CHN2: variants seen among roughly 807,000 people sequenced by gnomAD.
CHN2 encodes chimerin 2, also known as beta-chimaerin.
In CHN2, 35 loss-of-function variants were observed where a neutral mutation model predicts 56.3. That is an observed-to-expected ratio of 0.62 (90% CI 0.47 to 0.82). CHN2 has a LOEUF of 0.82. Among genes scored for constraint, CHN2 ranks in the 40% least tolerant of loss-of-function variants. The probability of loss-of-function intolerance (pLI) is 0.00; values close to 1 mark genes in which losing one functional copy is unlikely to be tolerated. For synonymous variants in CHN2, 210 were observed against 212.8 expected (o/e 0.99, Z 0.12); for missense variants, 491 against 580.5 (o/e 0.85, Z 1.58).
chr7:29,421,900 G>A (rs1804384712), intron 6 of CHN2, among the ~76,000 whole-genome samples: 1 of 152,172 alleles, frequency 6.6e-6, no homozygotes, highest in South Asian at 2.1e-4. Context: ...GAAGAAAGCA[G>A]ACAGCGTTTC....
intron 6 of CHN2, among the ~76,000 whole-genome samples, chr7:29,464,965 C>T (rs370374285): frequency 2.0e-5 from 3 of 152,158 alleles, no homozygotes; most frequent in African/African-American, 7.2e-5. Context: ...AGCCGCCAGC[C>T]GTGTTTTCAT....
chr7:29,148,372 T>G (rs1335158972), intron 2 of CHN2: 1 of 152,232 alleles, frequency 6.6e-6, no homozygotes, highest in African/African-American at 2.4e-5. Flanking sequence ...CCCAAAAGTC[T>G]TCCTGCAGTT....
intron 1 of CHN2, among the ~76,000 whole-genome samples, chr7:29,272,949 G>A (rs6462131): frequency 0.72 from 109,551 of 152,000 alleles, 40,523 homozygotes; most frequent in African/African-American, 0.89. Flanking sequence ...AAAAATCTAA[G>A]TGTGACTGGC....
intron 7 of CHN2, among the ~76,000 whole-genome samples, chr7:29,494,032 C>A (rs895446419): frequency 1.3e-5 from 2 of 152,188 alleles, no homozygotes; most frequent in Non-Finnish European, 2.9e-5. Flanking sequence ...GGTGTTCTGG[C>A]CACCCTGGCC....
At chr7:29,458,207 T>C (rs1170270334) in intron 6 of CHN2, among the ~76,000 whole-genome samples, 2 of 152,208 alleles carry the variant, frequency 1.3e-5, no homozygotes, top group African/African-American at 2.4e-5. Flanking sequence ...TAGGGAGATA[T>C]GTTGTATAAT....
chr7:29,432,008 C>T (rs1211468814), intron 6 of CHN2, among the ~76,000 whole-genome samples: 4 of 152,206 alleles, frequency 2.6e-5, no homozygotes, highest in South Asian at 2.1e-4. Context: ...GCTTCAACTT[C>T]GGTTAAGTGC....
intron 6 of CHN2, among the ~76,000 whole-genome samples, chr7:29,437,555 G>A (rs1464474993): frequency 3.7e-5 from 3 of 82,050 alleles, no homozygotes; most frequent in African/African-American, 7.6e-5. Flanking sequence ...CCGAGATCGC[G>A]CCACTGCACT....
chr7:29,489,560 A>G (rs549864686), intron 7 of CHN2, among the ~76,000 whole-genome samples: 2 of 152,232 alleles, frequency 1.3e-5, no homozygotes, highest in Non-Finnish European at 2.9e-5. Flanking sequence ...GTCCTTGTGG[A>G]TCCAAAAGAA....
chr7:29,324,986 T>C (rs2128897572), intron 1 of CHN2, among the ~76,000 whole-genome samples: 2 of 152,326 alleles, frequency 1.3e-5, no homozygotes, highest in Middle Eastern at 3.4e-3. Context: ...GTGTCTAAAA[T>C]GCTTTGCTGA....
chr7:29,435,205 G>A (rs773734163), intron 6 of CHN2, among the ~76,000 whole-genome samples: 3 of 152,210 alleles, frequency 2.0e-5, no homozygotes, highest in Non-Finnish European at 4.4e-5. Context: ...TTTTTTAAGA[G>A]CCAAATGAGA....
chr7:29,346,683 CTT>C lies in CHN2; in HGVS notation c.50-7940_50-7939del, dbSNP rs151321662. Reference sequence around the variant, plus strand: ...TAGCTCATTCTCTACATCGGTGAAACTTTGGCTCCTTTCATTTTCCAAAGCCT... The same window carrying C: ...TAGCTCATTCTCTACATCGGTGAAACTGGCTCCTTTCATTTTCCAAAGCCT... On this transcript the variant is annotated intron_variant, in intron 1 of 12. Coordinates refer to ENST00000222792, the MANE Select transcript of CHN2 (RefSeq NM_004067.4). Among the ~76,000 whole-genome samples the C allele has an allele frequency of 1.4e-4, 22 of 152,278 alleles. 1 individual carries two copies. In the East Asian group the frequency reaches 4.2e-3, roughly 29 times the overall value.
intron 6 of CHN2, among the ~76,000 whole-genome samples, chr7:29,476,953 TAGA>T (rs1310686476): frequency 6.6e-6 from 1 of 152,180 alleles, no homozygotes; most frequent in African/African-American, 2.4e-5. Context: ...AAATTTTCAT[TAGA>T]AGAAGACGGT....
chr7:29,244,000 G>A (rs1310257864), intron 1 of CHN2, among the ~76,000 whole-genome samples: 3 of 152,150 alleles, frequency 2.0e-5, no homozygotes, highest in African/African-American at 7.2e-5. Flanking sequence ...TAACACTAAG[G>A]AGGGAACTTC....
At chr7:29,468,037 T>C (rs997482460) in intron 6 of CHN2, among the ~76,000 whole-genome samples, 1 of 151,430 alleles carries the variant, frequency 6.6e-6, no homozygotes, top group Admixed American at 6.6e-5. Flanking sequence ...ATTGATAACA[T>C]GTCGGGGAGT....
chr7:29,292,729 G>T, intron 1 of CHN2: 2 of 342,764 alleles, frequency 5.8e-6, no homozygotes, highest in Non-Finnish European at 1.2e-5. Context: ...TGGTTTTGTT[G>T]TATTGGTTTG....
chr7:29,312,300 C>T (rs948396587), intron 1 of CHN2, among the ~76,000 whole-genome samples: 8 of 152,218 alleles, frequency 5.3e-5, no homozygotes, highest in African/African-American at 1.9e-4. Context: ...CTTCTTCCTA[C>T]CTCATTCTCT....
intron 6 of CHN2, among the ~76,000 whole-genome samples, chr7:29,454,378 A>G (rs1190881744): frequency 6.6e-6 from 1 of 152,196 alleles, no homozygotes; most frequent in African/African-American, 2.4e-5. Context: ...TGGCTACAAT[A>G]CCAGGAGGGA....
At chr7:29,472,745 C>T (rs907667094) in intron 6 of CHN2, among the ~76,000 whole-genome samples, 1 of 152,084 alleles carries the variant, frequency 6.6e-6, no homozygotes, top group Admixed American at 6.5e-5. Flanking sequence ...TGGTAGTCAC[C>T]AGAGAAGAGT....
At chr7:29,415,007 C>T (rs1803585514) in intron 6 of CHN2, among the ~76,000 whole-genome samples, 2 of 152,210 alleles carry the variant, frequency 1.3e-5, no homozygotes, top group African/African-American at 2.4e-5. Context: ...TTGCACTGAG[C>T]ACACCCCACC....
Sources: gnomAD v4.1 joint callset for allele counts (sites outside exome capture counted in the v4.1 genomes callset) on GRCh38, gnomAD v4.1.1 for gene constraint, MANE v1.5 for transcripts, NCBI Gene and HGNC (gene_info 2026-07-23, HGNC 2026-07-21) for gene names.